Variants in GABRA3 observed in about 807,000 individuals in gnomAD.
GABRA3 encodes gamma-aminobutyric acid receptor subunit alpha-3.
In GABRA3, 10 loss-of-function variants were observed where a neutral mutation model predicts 30.1. The ratio of observed to expected loss-of-function variants is 0.33; its 90% CI spans 0.20 to 0.56. The LOEUF (loss-of-function observed/expected upper bound fraction) is 0.56, where lower values mean the gene tolerates loss of function less well. GABRA3 is among the 20% of genes least tolerant of loss of function. GABRA3 has a pLI of 0.89. For synonymous variants in GABRA3, 151 were observed against 146.8 expected, an observed-to-expected ratio of 1.03 and a Z score of -0.21; for missense variants, 233 against 392.0, an observed-to-expected ratio of 0.59 and a Z score of 3.42.
chrX:152,176,695 C>T (rs916884060), intron 9 of GABRA3, among the ~76,000 whole-genome samples: 1 of 111,139 alleles, frequency 9.0e-6, no homozygotes, highest in Non-Finnish European at 1.9e-5. Context: ...TTTTATCAGA[C>T]ATCCCAATAG....
chrX:152,364,476 G>A lies in GABRA3; in HGVS notation c.95C>T (p.Ser32Leu), dbSNP rs771231360. 3.3e-6 allele frequency: 4 copies of A among 1,209,095 alleles called. No individual in the cohort carries two copies. Among genetic ancestry groups the A allele is most frequent in the Non-Finnish European group, 4.5e-6 (4 of 893,899 alleles). ...ILPGTTGQGE[S>L]RRQEPGDFVK... is the part of the protein sequence containing the mutation. ...AAAGTCCCCGGGTTCTTGTCGTCTT[G>A]ATTCCCCTTGACCAGTGGTTCCAGG... Residue 32 changes from serine to leucine, a missense_variant, in exon 2 of 10, where the codon TCA (serine) becomes TTA (leucine). By Grantham distance (145) the Ser-to-Leu change is moderately radical. This residue lies in a region of GABRA3 where 69 missense variants were observed against 79.4 expected (regional missense o/e 0.87). Coordinates refer to ENST00000370314, the MANE Select transcript of GABRA3 (RefSeq NM_000808.4).
rs147316529 is a variant in GABRA3, at chrX:152,243,609, C to G, written c.551+12169G>C. Reference sequence around the variant, plus strand: ...CTTGTTAGCTAACACCTTGCAGATGCTAATTGAAGCCCTAAGACTAGATGA... The same window carrying G: ...CTTGTTAGCTAACACCTTGCAGATGGTAATTGAAGCCCTAAGACTAGATGA... On this transcript the variant is annotated intron_variant, in intron 5 of 9. Coordinates refer to ENST00000370314, the MANE Select transcript of GABRA3 (RefSeq NM_000808.4). Among the ~76,000 whole-genome samples, 892 of 111,459 alleles carry G rather than the reference C, an allele frequency of 8.0e-3. 12 individuals carry two copies. Among genetic ancestry groups the G allele is most frequent in the African/African-American group, 0.028 (855 of 30,638 alleles).
chrX:152,189,775 A>C lies in GABRA3; in HGVS notation c.1098T>G (p.Ser366Arg). Residue 366 changes from serine to arginine, a missense_variant, in exon 9 of 10, where the codon AGT becomes AGG. Transcript: ENST00000370314. ...GCACCTTCTTGCCTTCCCAAGCCCAACTCCGCTTGGTGAAATAGTTGACAG... is the reference window on the plus strand; with the variant it reads ...GCACCTTCTTGCCTTCCCAAGCCCACCTCCGCTTGGTGAAATAGTTGACAG... ...FATVNYFTKR[S>R]WAWEGKKVPE... is the part of the protein sequence containing the mutation. The C allele has an allele frequency of 8.3e-7, 1 of 1,208,856 alleles. No homozygotes were observed. The highest frequency in any genetic ancestry group is 1.1e-6 in the Non-Finnish European group (1 of 894,398).
At chrX:152,273,840 C>A (rs1456909127) in intron 4 of GABRA3, among the ~76,000 whole-genome samples, 1 of 111,175 alleles carries the variant, frequency 9.0e-6, no homozygotes. Flanking sequence ...ATATTTATTA[C>A]CACTGAACTG....
At chrX:152,373,012 G>A (rs1928884813) in intron 1 of GABRA3, among the ~76,000 whole-genome samples, 1 of 111,639 alleles carries the variant, frequency 9.0e-6, no homozygotes. Context: ...CCTCCTATCT[G>A]TATCACTCTC....
At chrX:152,209,241 T>C (rs1937608823) in intron 6 of GABRA3, among the ~76,000 whole-genome samples, 1 of 111,961 alleles carries the variant, frequency 8.9e-6, no homozygotes, top group African/African-American at 3.3e-5. Flanking sequence ...AGAATTTGTA[T>C]AGATTAACAG....
At chrX:152,370,058 G>A (rs1213546471) in intron 1 of GABRA3, among the ~76,000 whole-genome samples, 1 of 111,488 alleles carries the variant, frequency 9.0e-6, no homozygotes, top group Non-Finnish European at 1.9e-5. Context: ...CATCCATCTT[G>A]TAAAGGCTGT....
At position 152,352,660 on chromosome X, in the gene GABRA3, A is replaced by C. The variant is rs758959251; in HGVS notation, c.141-6958T>G. On this transcript the variant is annotated intron_variant, in intron 2 of 9. Coordinates refer to ENST00000370314, the MANE Select transcript of GABRA3 (RefSeq NM_000808.4). The stretch of plus-strand genomic sequence containing the variant: ...AAGGATGGCATTTTTCCTAAACCAC[A>C]TATTTCCTGGGAGAGAGCAGATTTT... Among the ~76,000 whole-genome samples the C allele has an allele frequency of 8.3e-4, 93 of 111,945 alleles. 1 individual carries two copies. Among genetic ancestry groups the C allele is most frequent in the Middle Eastern group, 4.6e-3 (1 of 217 alleles).
At chrX:152,234,977 T>C (rs1485665296) in intron 5 of GABRA3, among the ~76,000 whole-genome samples, 1 of 111,729 alleles carries the variant, frequency 9.0e-6, no homozygotes, top group Non-Finnish European at 1.9e-5. Context: ...TCTATGTTAA[T>C]TTTAAGATTT....
intron 6 of GABRA3, among the ~76,000 whole-genome samples, chrX:152,219,571 T>A (rs1487823949): frequency 9.0e-6 from 1 of 111,323 alleles, no homozygotes; most frequent in Non-Finnish European, 1.9e-5. Flanking sequence ...TGATGTTAAG[T>A]CAAAACCAAG....
intron 3 of GABRA3, among the ~76,000 whole-genome samples, chrX:152,318,296 C>CA (rs762278941): frequency 2.7e-5 from 3 of 111,237 alleles, no homozygotes; most frequent in Non-Finnish European, 5.7e-5. Flanking sequence ...AGACCAATAA[C>CA]AAGCAGTGAG....
At chrX:152,383,258 G>A (rs1180969481) in intron 1 of GABRA3, among the ~76,000 whole-genome samples, 1 of 106,975 alleles carries the variant, frequency 9.3e-6, no homozygotes, top group Non-Finnish European at 1.9e-5. Flanking sequence ...GTGTGGTGGC[G>A]GGCGCCTATA....
Position 152,372,029 on chromosome X carries a change from T to A in GABRA3, c.-26-7433A>T, listed in dbSNP as rs184976041. On this transcript the variant is annotated intron_variant, in intron 1 of 9. Coordinates refer to ENST00000370314, the MANE Select transcript of GABRA3 (RefSeq NM_000808.4). ...GGAACAGACCCAGACTCTGACCACT[T>A]CTCAATACTTTCATTGCCCCTTAGC... Among the ~76,000 whole-genome samples, 481 of 111,245 alleles carry A rather than the reference T, an allele frequency of 4.3e-3. 5 individuals carry two copies. The highest frequency in any genetic ancestry group is 0.015 in the African/African-American group (458 of 30,604).
In GABRA3 at chrX:152,299,914, G is replaced by A. The variant is rs1939600048; in HGVS notation, c.263-15179C>T. On this transcript the variant is annotated intron_variant, in intron 3 of 9. Transcript: ENST00000370314. ...ACAAAGGGGGACTGTGACACAGGTG[G>A]CTAAAACTCTGAGAGAAACCTCACT... Among the ~76,000 whole-genome samples, 3 of 112,057 alleles carry A rather than the reference G, an allele frequency of 2.7e-5. No homozygotes were observed. In the East Asian group the frequency reaches 8.5e-4, roughly 32 times the overall value.
At chrX:152,219,030 G>A (rs1248319507) in intron 6 of GABRA3, among the ~76,000 whole-genome samples, 2 of 110,789 alleles carry the variant, frequency 1.8e-5, no homozygotes, top group African/African-American at 3.3e-5. Flanking sequence ...TACTTTATTT[G>A]GCCTCCAGGA....
At chrX:152,241,195 T>C (rs1320719218) in intron 5 of GABRA3, among the ~76,000 whole-genome samples, 5 of 97,180 alleles carry the variant, frequency 5.1e-5, no homozygotes, top group Non-Finnish European at 1.1e-4. Context: ...GTCCTTTCTG[T>C]TTGTTAGTTT....
At chrX:152,393,208 C>T (rs1348302004) in intron 1 of GABRA3, among the ~76,000 whole-genome samples, 3 of 111,989 alleles carry the variant, frequency 2.7e-5, no homozygotes, top group Non-Finnish European at 3.8e-5. Flanking sequence ...CTGAAACAGC[C>T]ATGTTGCATG....
At chrX:152,421,102 C>T (rs1156333206) in intron 1 of GABRA3, among the ~76,000 whole-genome samples, 16 of 71,169 alleles carry the variant, frequency 2.2e-4, no homozygotes, top group Non-Finnish European at 3.6e-4. Flanking sequence ...ACATTATACA[C>T]ACACACACAC....
At position 152,208,030 on chromosome X, in the gene GABRA3, A is replaced by G. The variant is rs1439119046; in HGVS notation, c.749T>C (p.Val250Ala). Reference sequence around the variant, plus strand: ...ACTAGACCGGATTATCTCTGTCCCAACAACATGGCCCAAAAGGTCATACTG... The same window carrying G: ...ACTAGACCGGATTATCTCTGTCCCAGCAACATGGCCCAAAAGGTCATACTG... ...LNQYDLLGHV[V>A]GTEIIRSSTG... The change falls in exon 7 of 10, where the codon GTT becomes GCT. Residue 250 changes from valine to alanine, a missense_variant. Physicochemically the swap from Val to Ala is moderately conservative, Grantham distance 64 (BLOSUM62 0). This residue lies in a region of GABRA3 where 18 missense variants were observed against 16.4 expected (regional missense o/e 1.09). Coordinates refer to ENST00000370314, the MANE Select transcript of GABRA3 (RefSeq NM_000808.4). 8.3e-7 allele frequency: 1 copy of G among 1,211,730 alleles called. No individual in the cohort carries two copies. The highest frequency in any genetic ancestry group is 2.2e-5 in the Admixed American group (1 of 46,066).
Sources: allele counts gnomAD v4.1 joint callset (sites outside exome capture counted in the v4.1 genomes callset), GRCh38; gene constraint gnomAD v4.1.1; regional missense constraint gnomAD v4.1.1; transcripts MANE v1.5; gene names NCBI Gene and HGNC (gene_info 2026-07-23, HGNC 2026-07-21).